The following ZNF765 variants were observed in gnomAD, a reference collection of about 807,000 sequenced individuals.
ZNF765 encodes zinc finger protein 765.
In ZNF765, 37 loss-of-function variants were observed where a neutral mutation model predicts 44.7. That is an observed-to-expected ratio of 0.83 (90% CI 0.64 to 1.09). The LOEUF (loss-of-function observed/expected upper bound fraction) is 1.09, where lower values mean the gene tolerates loss of function less well. ZNF765 is among the 50% of genes least tolerant of loss of function. The pLI is 0.00. For missense variants in ZNF765, 594 were observed against 626.1 expected (o/e 0.95, Z 0.55); for synonymous variants, 201 against 213.7 (o/e 0.94, Z 0.52).
downstream of ZNF765, among the ~76,000 whole-genome samples, chr19:53,412,656 A>C (rs2085842415): frequency 6.6e-6 from 1 of 152,262 alleles, no homozygotes; most frequent in South Asian, 2.1e-4. Flanking sequence ...ATTTATGATG[A>C]GATCAGATGC....
At chr19:53,413,600 G>GT (rs61360964), downstream of ZNF765, among the ~76,000 whole-genome samples, 5,897 of 138,690 alleles carry the variant, frequency 0.043, 246 homozygotes, top group African/African-American at 0.11. Context: ...TGCTTTTTAG[G>GT]TTTTTTTTTT....
rs1270241108 is a variant in ZNF765 at position 53,408,660 on chromosome 19, C to G, written c.1105C>G (p.His369Asp). The change falls in exon 4 of 4, where the codon CAT becomes GAT. Residue 369 changes from histidine (H) to aspartate (D), a missense_variant. This residue lies in a region of ZNF765 where 567 missense variants were observed against 572.6 expected (regional missense o/e 0.99). Transcript: ENST00000396408. The stretch of plus-strand genomic sequence containing the variant: ...TGGCAAGACCTTTAGTCGGAAGTCA[C>G]ATTTTACATGCCATCATAGAGTTCA... ...ECGKTFSRKSHFTCHHRVHTG... is the reference protein window; with the variant it reads ...ECGKTFSRKSDFTCHHRVHTG... 6.2e-7 allele frequency: 1 copy of G among 1,604,850 alleles called. No homozygotes were observed. The highest frequency in any genetic ancestry group is 1.1e-5 in the South Asian group (1 of 90,586).
chr19:53,415,553 G>C (rs960940066), downstream of ZNF765, among the ~76,000 whole-genome samples: 1 of 125,508 alleles, frequency 8.0e-6, no homozygotes, highest in Non-Finnish European at 1.7e-5. Context: ...ATTTTATTAC[G>C]TTTGTTGAGG....
At chr19:53,419,204 G>T (rs1473712383) in intron 3 of ZNF765, among the ~76,000 whole-genome samples, 1 of 152,158 alleles carries the variant, frequency 6.6e-6, no homozygotes, top group African/African-American at 2.4e-5. Flanking sequence ...AAATCTATCT[G>T]TGGTTCAGCC....
At chr19:53,399,301 T>A (rs2085699918) in intron 2 of ZNF765, among the ~76,000 whole-genome samples, 1 of 139,812 alleles carries the variant, frequency 7.2e-6, no homozygotes, top group African/African-American at 2.7e-5. Flanking sequence ...AGTGAATATA[T>A]TTGTTTTGTG....
rs368157086 is a variant in ZNF765 at position 53,408,896 on chromosome 19, C to T, written c.1341C>T (p.Tyr447=). ...AATGTGAAGAATGTGACAAAGCCTA[C>T]AGTTTCAAATCAAACCTTGAAATAC... ...PYKCEECDKA[Y]SFKSNLEIHQ... Residue 447 remains tyrosine (Y), a synonymous_variant, in exon 4 of 4, where the codon TAC becomes TAT. Coordinates refer to ENST00000396408, the MANE Select transcript of ZNF765 (RefSeq NM_001040185.3). The T allele has an allele frequency of 1.2e-6, 2 of 1,613,228 alleles. No homozygotes were observed. Among genetic ancestry groups the T allele is most frequent in the Non-Finnish European group, 1.7e-6 (2 of 1,179,838 alleles).
Position 53,408,026 on chromosome 19 carries a change from A to G in ZNF765, c.471A>G (p.Glu157=). ...HLPELHIFHT[E]EKIDNQVVKS... is the part of the protein sequence containing the mutation. ...CTGAACTGCACATATTTCACACTGA[A>G]GAGAAAATTGATAATCAAGTTGTGA... Residue 157 remains glutamate, a synonymous_variant, in exon 4 of 4, where the codon GAA becomes GAG. Coordinates refer to ENST00000396408, the MANE Select transcript of ZNF765 (RefSeq NM_001040185.3). The G allele has an allele frequency of 1.2e-6, 2 of 1,614,178 alleles. No individual in the cohort carries two copies. The highest frequency in any genetic ancestry group is 1.7e-6 in the Non-Finnish European group (2 of 1,180,018).
In ZNF765 at chr19:53,409,108, G is replaced by T; in HGVS notation, c.1553G>T (p.Gly518Val). 6.2e-7 allele frequency: 1 copy of T among 1,613,574 alleles called. No homozygotes were observed. Among genetic ancestry groups the T allele is most frequent in the Non-Finnish European group, 8.5e-7 (1 of 1,179,718 alleles). The change falls in exon 4 of 4, where the codon GGA becomes GTA. Residue 518 changes from glycine to valine, a missense_variant. Transcript: ENST00000396408. ...NLERHRRIYT[G>V]EKLHV ...GAAAGACATAGGAGAATTTATACTG[G>T]AGAGAAACTACACGTGTAATGAGTG...
intron 3 of ZNF765, among the ~76,000 whole-genome samples, chr19:53,406,492 T>C (rs1417805135): frequency 6.6e-6 from 1 of 152,226 alleles, no homozygotes; most frequent in African/African-American, 2.4e-5. Context: ...TTGCATGTTG[T>C]ATAAATGTAC....
chr19:53,396,259 A>G (rs1275580291), intron 1 of ZNF765, among the ~76,000 whole-genome samples: 5 of 151,874 alleles, frequency 3.3e-5, no homozygotes, highest in Admixed American at 6.6e-5. Flanking sequence ...AGGGTATAAC[A>G]GGGAAGAGAG....
chr19:53,410,779 G>T lies in ZNF765; in HGVS notation c.*1652G>T. 2.2e-6 allele frequency: 1 copy of T among 448,496 alleles called. No individual in the cohort carries two copies. The highest frequency in any genetic ancestry group is 4.6e-6 in the Non-Finnish European group (1 of 218,552). 27.8% of individuals were successfully genotyped at this position (448,496 alleles called of 1,614,324 possible). ...TTACAAATGTCATGATTGTGACAAG[G>T]TCTCAGTCAAGCTTCATTCTATGCA... On this transcript the variant is annotated 3_prime_UTR_variant, in exon 4 of 4. Transcript: ENST00000396408.
Position 53,409,036 on chromosome 19 carries a change from A to G in ZNF765, c.1481A>G (p.Tyr494Cys). ...AGACTTCATACTGGACAGAAACCTT[A>G]CAAATGTGAAGATTGTGATGAAGCT... ...HHRLHTGQKP[Y>C]KCEDCDEAFS... is the part of the protein sequence containing the mutation. The change falls in exon 4 of 4, where the codon TAC becomes TGC. Residue 494 changes from tyrosine to cysteine, a missense_variant. This residue lies in a region of ZNF765 where 567 missense variants were observed against 572.6 expected (regional missense o/e 0.99). Coordinates refer to ENST00000396408, the MANE Select transcript of ZNF765 (RefSeq NM_001040185.3). 1.2e-6 allele frequency: 2 copies of G among 1,614,054 alleles called. No homozygotes were observed. Among genetic ancestry groups the G allele is most frequent in the Non-Finnish European group, 1.7e-6 (2 of 1,179,978 alleles).
rs2085789676 is a variant in ZNF765, at chr19:53,407,805, G to A, written c.250G>A (p.Asp84Asn). 1 of 1,613,304 alleles carries A rather than the reference G, an allele frequency of 6.2e-7. No individual in the cohort carries two copies. The highest frequency in any genetic ancestry group is 1.7e-5 in the Admixed American group (1 of 59,928). ...AAGACATGAAAGTCATCACAATGGA[G>A]ATTTTTGTTTCCAGGATATTGATAA... ...SQRHESHHNG[D>N]FCFQDIDKDI... is the part of the protein sequence containing the mutation. The change falls in exon 4 of 4, where the codon GAT (aspartate) becomes AAT (asparagine). Residue 84 changes from aspartate (D) to asparagine (N), a missense_variant. Asp to Asn is a conservative substitution (Grantham distance 23, BLOSUM62 1). Transcript: ENST00000396408.
chr19:53,406,381 T>G (rs2147095952), intron 3 of ZNF765, among the ~76,000 whole-genome samples: 1 of 152,082 alleles, frequency 6.6e-6, no homozygotes, highest in African/African-American at 2.4e-5. Context: ...ACCTCATAAG[T>G]CAGAAGGTAG....
chr19:53,423,230 C>A (rs2085918039), exon 4 of ZNF765: 1 of 691,514 alleles, frequency 1.4e-6, no homozygotes, highest in East Asian at 2.8e-5. Flanking sequence ...TCATTGTTCT[C>A]ATGCACGTGA....
At chr19:53,418,910 G>GAAAAAAAAAAAAAA (rs34443506) in intron 3 of ZNF765, among the ~76,000 whole-genome samples, 1 of 96,856 alleles carries the variant, frequency 1.0e-5, no homozygotes, top group Non-Finnish European at 2.0e-5. Context: ...GTTGTGGGAG[G>GAAAAAAAAAAAAAA]AAAAAAAAAA....
chr19:53,424,622 C>T (rs2085927661), exon 4 of ZNF765: 1 of 151,724 alleles, frequency 6.6e-6, no homozygotes, highest in African/African-American at 2.4e-5. Flanking sequence ...AGCGAATTCT[C>T]ACCCAAACTG....
In ZNF765 at chr19:53,409,704, G is replaced by A. The variant is rs1398434117; in HGVS notation, c.*577G>A. ...TCATACTGGAGGATACCTTACAAAT[G>A]TAATGAGTGTGGCAAGACCTTTAGT... On this transcript the variant is annotated 3_prime_UTR_variant, in exon 4 of 4. Transcript: ENST00000396408. 11 of 1,035,518 alleles carry A rather than the reference G, an allele frequency of 1.1e-5. No individual in the cohort carries two copies. In the African/African-American group the frequency reaches 1.3e-4, roughly 12 times the overall value. The allele number at this position is 1,035,518 out of a possible 1,614,324, so 64.1% of individuals were successfully genotyped here.
downstream of ZNF765, among the ~76,000 whole-genome samples, chr19:53,414,489 ACCCCCCCCC>A (rs1160212994): frequency 8.0e-3 from 41 of 5,096 alleles, 2 homozygotes; most frequent in East Asian, 0.02. Context: ...ACACACACAC[ACCCCCCCCC>A]CCCCCCCCCC....
Sources: allele counts gnomAD v4.1 joint callset (sites outside exome capture counted in the v4.1 genomes callset), GRCh38; gene constraint gnomAD v4.1.1; regional missense constraint gnomAD v4.1.1; transcripts MANE v1.5; gene names NCBI Gene and HGNC (gene_info 2026-07-23, HGNC 2026-07-21).